Variants in TSHZ2 observed in about 807,000 individuals in gnomAD.
TSHZ2 encodes the protein teashirt homolog 2.
TSHZ2 carries 21 observed loss-of-function variants against 74.4 expected under a neutral mutation model. That is an observed-to-expected ratio of 0.28 (90% CI 0.20 to 0.41). The LOEUF is 0.41. Ranked by LOEUF, TSHZ2 falls within the 10% of genes least tolerant of loss-of-function variation. TSHZ2 has a pLI of 1.00. For missense variants in TSHZ2, 1,244 were observed against 1,293.5 expected, an observed-to-expected ratio of 0.96 and a Z score of 0.59; for synonymous variants, 540 against 515.3, an observed-to-expected ratio of 1.05 and a Z score of -0.65.
intron 2 of TSHZ2, among the ~76,000 whole-genome samples, chr20:53,302,338 A>G (rs552615647): frequency 1.6e-4 from 24 of 152,288 alleles, no homozygotes; most frequent in African/African-American, 5.3e-4. Flanking sequence ...GAAATTCTCT[A>G]TGATAATCCA....
chr20:53,050,116 TATATATATAC>T (rs1984385191), intron 1 of TSHZ2, among the ~76,000 whole-genome samples: 1 of 96,454 alleles, frequency 1.0e-5, no homozygotes, highest in East Asian at 3.7e-4. Flanking sequence ...TATATATATA[TATATATATAC>T]ACATATATAT....
chr20:53,458,774 G>C (rs528313813), intron 2 of TSHZ2, among the ~76,000 whole-genome samples: 11 of 144,850 alleles, frequency 7.6e-5, no homozygotes, highest in Non-Finnish European at 1.1e-4. Context: ...CTTTGTTCTC[G>C]TTGGTTTCAA....
rs7267650 is a variant in TSHZ2, at chr20:53,469,919, A to C, written c.*9-17225A>C. Reference sequence around the variant, plus strand: ...GAAAGGAGGAAGGAAGGAAGGAAGGAAGGCAGGCAGGCAGGCAGGCAGGCA... The same window carrying C: ...GAAAGGAGGAAGGAAGGAAGGAAGGCAGGCAGGCAGGCAGGCAGGCAGGCA... On this transcript the variant is annotated intron_variant, in intron 2 of 2. Coordinates refer to ENST00000371497, the MANE Select transcript of TSHZ2 (RefSeq NM_173485.6). Among the ~76,000 whole-genome samples the C allele has an allele frequency of 1.0e-3, 102 of 101,320 alleles. 5 individuals carry two copies. Among genetic ancestry groups the C allele is most frequent in the South Asian group, 2.1e-3 (7 of 3,326 alleles). 66.5% of individuals were successfully genotyped at this position (101,320 alleles called of 152,430 possible). A position where few individuals can be genotyped will look rare whatever the true frequency, so the allele number is the denominator to read the frequency against.
At chr20:53,408,618 T>C (rs1278281660) in intron 2 of TSHZ2, among the ~76,000 whole-genome samples, 1 of 148,496 alleles carries the variant, frequency 6.7e-6, no homozygotes, top group Non-Finnish European at 1.5e-5. Flanking sequence ...TCCTGACAGT[T>C]GGGAGGAAAG....
chr20:53,434,083 C>G (rs966518734), intron 2 of TSHZ2, among the ~76,000 whole-genome samples: 3 of 152,120 alleles, frequency 2.0e-5, no homozygotes, highest in Non-Finnish European at 4.4e-5. Context: ...GTTGGCTGGG[C>G]TGATCTTGAA....
intron 2 of TSHZ2, among the ~76,000 whole-genome samples, chr20:53,283,395 C>T (rs923177400): frequency 2.6e-5 from 4 of 152,124 alleles, no homozygotes; most frequent in African/African-American, 9.7e-5. Flanking sequence ...TCTTTCCTGC[C>T]ATCACACCAG....
At chr20:53,336,753 C>A (rs1979963338) in intron 2 of TSHZ2, among the ~76,000 whole-genome samples, 1 of 152,058 alleles carries the variant, frequency 6.6e-6, no homozygotes, top group Admixed American at 6.5e-5. Flanking sequence ...AGGCACAGGA[C>A]CAGTTGAAGA....
At chr20:53,306,807 C>G (rs1432205840) in intron 2 of TSHZ2, among the ~76,000 whole-genome samples, 2 of 152,124 alleles carry the variant, frequency 1.3e-5, no homozygotes, top group Admixed American at 6.5e-5. Flanking sequence ...TACTGTGTGC[C>G]AGGCACCTCA....
At chr20:53,453,027 A>G (rs546151925) in intron 2 of TSHZ2, 1 of 152,334 alleles carries the variant, frequency 6.6e-6, no homozygotes, top group African/African-American at 2.4e-5. Context: ...AATGAGGACC[A>G]TGAGATTATA....
intron 1 of TSHZ2, among the ~76,000 whole-genome samples, chr20:53,203,625 C>G (rs1318823172): frequency 1.3e-5 from 2 of 152,044 alleles, no homozygotes; most frequent in Non-Finnish European, 2.9e-5. Flanking sequence ...CACTGCCTCC[C>G]CTAGGAGGGC....
intron 1 of TSHZ2, among the ~76,000 whole-genome samples, chr20:53,168,202 G>C (rs997695055): frequency 1.3e-5 from 2 of 152,214 alleles, no homozygotes; most frequent in Admixed American, 1.3e-4. Context: ...TGTCTGGATA[G>C]TTGTTTGCTG....
chr20:53,016,054 G>A (rs572678668), intron 1 of TSHZ2, among the ~76,000 whole-genome samples: 57 of 152,300 alleles, frequency 3.7e-4, no homozygotes, highest in African/African-American at 4.8e-4. Context: ...CATAATGGAC[G>A]AATCTTTTAA....
intron 2 of TSHZ2, among the ~76,000 whole-genome samples, chr20:53,480,180 T>A (rs1053693254): frequency 6.6e-6 from 1 of 151,568 alleles, no homozygotes; most frequent in Non-Finnish European, 1.5e-5. Flanking sequence ...ATGATTCTCC[T>A]GCCCCAGCCT....
At chr20:53,472,312 C>T (rs567903501) in intron 2 of TSHZ2, among the ~76,000 whole-genome samples, 7 of 152,086 alleles carry the variant, frequency 4.6e-5, no homozygotes, top group Non-Finnish European at 8.8e-5. Flanking sequence ...AAATACAGTT[C>T]GGGAGGATTT....
At chr20:53,477,902 C>T (rs1319000362) in intron 2 of TSHZ2, among the ~76,000 whole-genome samples, 1 of 151,190 alleles carries the variant, frequency 6.6e-6, no homozygotes, top group Non-Finnish European at 1.5e-5. Context: ...CCAACAGACA[C>T]CTGAAAAAAT....
intron 2 of TSHZ2, among the ~76,000 whole-genome samples, chr20:53,371,889 G>GA (rs979235959): frequency 1.7e-4 from 20 of 119,266 alleles, no homozygotes; most frequent in South Asian, 2.3e-4. Context: ...AAAAAAAAAA[G>GA]AAAAAAAAAA....
intron 1 of TSHZ2, among the ~76,000 whole-genome samples, chr20:53,132,046 A>C (rs1600705223): frequency 6.6e-6 from 1 of 152,240 alleles, no homozygotes; most frequent in East Asian, 1.9e-4. Context: ...CCCTGGCTGG[A>C]GTAGAAGGAA....
chr20:53,408,563 C>T (rs1307297927), intron 2 of TSHZ2, among the ~76,000 whole-genome samples: 1 of 152,174 alleles, frequency 6.6e-6, no homozygotes, highest in African/African-American at 2.4e-5. Context: ...ATTGTCCCCA[C>T]TCTGCAGTGG....
At chr20:53,199,138 A>G (rs1988940059) in intron 1 of TSHZ2, among the ~76,000 whole-genome samples, 1 of 152,246 alleles carries the variant, frequency 6.6e-6, no homozygotes, top group African/African-American at 2.4e-5. Context: ...AGCCTGACGT[A>G]GAGCCAACAT....
Sources: allele counts gnomAD v4.1 joint callset (sites outside exome capture counted in the v4.1 genomes callset), GRCh38; gene constraint gnomAD v4.1.1; transcripts MANE v1.5; gene names NCBI Gene and HGNC (gene_info 2026-07-23, HGNC 2026-07-21).